SCUBE2: variants seen among roughly 807,000 people sequenced by gnomAD.
The protein encoded by SCUBE2 is signal peptide, CUB domain and EGF like domain containing 2.
SCUBE2 carries 114 observed loss-of-function variants against 125.9 expected under a neutral mutation model. The ratio of observed to expected loss-of-function variants is 0.91; its 90% CI spans 0.78 to 1.06. The LOEUF is 1.06. SCUBE2 is among the 50% of genes least tolerant of loss of function. The probability of loss-of-function intolerance (pLI) is 0.00; values close to 1 mark genes in which losing one functional copy is unlikely to be tolerated. For missense variants in SCUBE2, 1,255 were observed against 1,301.8 expected (o/e 0.96, Z 0.55); for synonymous variants, 459 against 492.9 (o/e 0.93, Z 0.91).
chr11:9,050,554 G>A, intron 14 of SCUBE2, 52 bp downstream of exon 14: 1 of 1,423,316 alleles, frequency 7.0e-7, no homozygotes, highest in East Asian at 2.3e-5. Context: ...CTGGCTGCAG[G>A]CCCCTTCCCA....
chr11:9,053,071 C>G, intron 12 of SCUBE2, 28 bp downstream of exon 12: 1 of 1,591,936 alleles, frequency 6.3e-7, no homozygotes, highest in Non-Finnish European at 8.6e-7. Flanking sequence ...AGTGTGAGGA[C>G]CTGCCCCGGG....
Position 9,025,692 on chromosome 11 carries a change from C to T in SCUBE2, c.2854+10G>A. 1.2e-6 allele frequency: 2 copies of T among 1,613,810 alleles called. No individual in the cohort carries two copies. Among genetic ancestry groups the T allele is most frequent in the Non-Finnish European group, 1.7e-6 (2 of 1,179,846 alleles). ...AGACGCTCTTTCCATGTGCTGCAGGCTGTGCTTACCATCATATGTCACGTA... is the reference window on the plus strand; with the variant it reads ...AGACGCTCTTTCCATGTGCTGCAGGTTGTGCTTACCATCATATGTCACGTA... On this transcript the variant is annotated intron_variant, in intron 21 of 22. Coordinates refer to ENST00000649792, the MANE Select transcript of SCUBE2 (RefSeq NM_001367977.2).
In SCUBE2 at chr11:9,056,822, G is replaced by A. The variant is rs200941108; in HGVS notation, c.1091-913C>T. ...ACCAGGACCAGTGCCGCACTCAGTC[G>A]AAGCCAACTAGACCACTGCTAGACC... is the stretch of plus-strand genomic sequence containing the variant. On this transcript the variant is annotated intron_variant, in intron 9 of 22. Transcript: ENST00000649792. Among the ~76,000 whole-genome samples the A allele has an allele frequency of 1.2e-4, 19 of 152,280 alleles. No individual in the cohort carries two copies. The East Asian group carries it at 3.3e-3, about 26-fold the overall frequency.
chr11:9,039,739 C>A (rs1250711443), intron 16 of SCUBE2, among the ~76,000 whole-genome samples: 1 of 152,132 alleles, frequency 6.6e-6, no homozygotes, highest in African/African-American at 2.4e-5. Flanking sequence ...CTGTGAGGCA[C>A]AAGACACATG....
At chr11:9,080,963 G>T (rs1441546717) in intron 2 of SCUBE2, among the ~76,000 whole-genome samples, 2 of 152,100 alleles carry the variant, frequency 1.3e-5, no homozygotes, top group Non-Finnish European at 2.9e-5. Flanking sequence ...ACAATGATAT[G>T]CAAATGACCA....
intron 2 of SCUBE2, among the ~76,000 whole-genome samples, chr11:9,080,926 C>T (rs561478318): frequency 2.0e-5 from 3 of 151,976 alleles, no homozygotes; most frequent in African/African-American, 4.8e-5. Flanking sequence ...TTAAAATGGG[C>T]GAAATATTCG....
At chr11:9,043,198 G>A (rs1218136508) in intron 16 of SCUBE2, among the ~76,000 whole-genome samples, 1 of 152,090 alleles carries the variant, frequency 6.6e-6, no homozygotes, top group Non-Finnish European at 1.5e-5. Flanking sequence ...TGTCTGGATT[G>A]TTTCTTCTAA....
intron 9 of SCUBE2, among the ~76,000 whole-genome samples, chr11:9,058,649 A>G (rs1318642389): frequency 7.1e-6 from 1 of 141,208 alleles, no homozygotes; most frequent in Non-Finnish European, 1.5e-5. Flanking sequence ...TTAGCTGAGC[A>G]TGGTGGCAGA....
chr11:9,050,824 A>G, intron 13 of SCUBE2, 114 bp from the exon 14 acceptor site: 1 of 799,172 alleles, frequency 1.3e-6, no homozygotes, highest in Non-Finnish European at 2.2e-6. Context: ...GCACACCCTG[A>G]GACCCTCTCC....
chr11:9,064,985 C>G (rs1219197216), intron 7 of SCUBE2: 3 of 152,022 alleles, frequency 2.0e-5, no homozygotes, highest in Admixed American at 6.6e-5. Flanking sequence ...AAGTGTTGCC[C>G]CTCTCCATTC....
At position 9,031,460 on chromosome 11, in the gene SCUBE2, T is replaced by G. The variant is rs551725659; in HGVS notation, c.2174-535A>C. Reference sequence around the variant, plus strand: ...CCAGCCTAGGCAACATGGCGAAATCTCTACAAAAAAATTTAAAAATTAGCC... The same window carrying G: ...CCAGCCTAGGCAACATGGCGAAATCGCTACAAAAAAATTTAAAAATTAGCC... On this transcript the variant is annotated intron_variant, in intron 17 of 22. Coordinates refer to ENST00000649792, the MANE Select transcript of SCUBE2 (RefSeq NM_001367977.2). Among the ~76,000 whole-genome samples, 2 of 151,948 alleles carry G rather than the reference T, an allele frequency of 1.3e-5. 1 individual carries two copies. Among genetic ancestry groups the G allele is most frequent in the South Asian group, 4.2e-4 (2 of 4,812 alleles).
intron 21 of SCUBE2, chr11:9,024,555 T>G (rs1487050569): frequency 2.1e-6 from 1 of 482,176 alleles, no homozygotes; most frequent in East Asian, 7.1e-5. Context: ...CTCCAGAGCT[T>G]GGCCCTGAAG....
chr11:9,076,239 T>C (rs959701727), intron 3 of SCUBE2, among the ~76,000 whole-genome samples: 2 of 151,668 alleles, frequency 1.3e-5, no homozygotes, highest in Admixed American at 6.6e-5. Context: ...GCAGAGGAGA[T>C]GGCAGGAGTC....
In SCUBE2 at chr11:9,083,949, G is replaced by A. The variant is rs568347212; in HGVS notation, c.257-4440C>T. 1.6e-3 allele frequency among the ~76,000 whole-genome samples: 243 copies of A among 152,320 alleles called. 1 individual carries two copies. The highest frequency in any genetic ancestry group is 2.6e-3 in the Non-Finnish European group (179 of 68,030). Reference sequence around the variant, plus strand: ...AAAAGGAATAAATATAGATACGTGTGCATGCGTGGATGAGTATGCGTACAT... The same window carrying A: ...AAAAGGAATAAATATAGATACGTGTACATGCGTGGATGAGTATGCGTACAT... On this transcript the variant is annotated intron_variant, in intron 2 of 22. Coordinates refer to ENST00000649792, the MANE Select transcript of SCUBE2 (RefSeq NM_001367977.2).
Position 9,079,480 on chromosome 11 carries a change from C to T in SCUBE2, c.286G>A (p.Gly96Arg), listed in dbSNP as rs756819058. Residue 96 changes from glycine to arginine, a missense_variant, in exon 3 of 23, where the codon GGA becomes AGA. Around this residue, in one of 3 missense-constraint regions of SCUBE2, gnomAD observed 362 missense variants for 323.0 expected, o/e 1.12. Coordinates refer to ENST00000649792, the MANE Select transcript of SCUBE2 (RefSeq NM_001367977.2). The stretch of plus-strand genomic sequence containing the variant: ...TTCAAACAGTCATGGACACAGCCTC[C>T]ATTGAGCTCATTTCCACATTCATCG... ...DIDECGNELNGGCVHDCLNIP... is the reference protein window; with the variant it reads ...DIDECGNELNRGCVHDCLNIP... 7.1e-5 allele frequency: 115 copies of T among 1,613,964 alleles called. No individual in the cohort carries two copies. The highest frequency in any genetic ancestry group is 9.7e-5 in the Non-Finnish European group (115 of 1,179,946).
At chr11:9,085,654 A>G (rs1247856986) in intron 2 of SCUBE2, among the ~76,000 whole-genome samples, 1 of 152,118 alleles carries the variant, frequency 6.6e-6, no homozygotes, top group Non-Finnish European at 1.5e-5. Flanking sequence ...TGAACCTGGG[A>G]GGCGGAGGTT....
chr11:9,045,387 A>G (rs1353325082), intron 16 of SCUBE2, among the ~76,000 whole-genome samples: 2 of 152,162 alleles, frequency 1.3e-5, no homozygotes, highest in Non-Finnish European at 2.9e-5. Context: ...AATATTTAAA[A>G]AGATAAACAT....
intron 2 of SCUBE2, among the ~76,000 whole-genome samples, chr11:9,083,390 T>C (rs1030487244): frequency 4.6e-5 from 7 of 152,200 alleles, no homozygotes; most frequent in African/African-American, 1.4e-4. Context: ...TATTGTACTT[T>C]AGTTAGTAAA....
At chr11:9,047,078 C>A (rs1007651487) in intron 16 of SCUBE2, among the ~76,000 whole-genome samples, 6 of 107,216 alleles carry the variant, frequency 5.6e-5, no homozygotes, top group South Asian at 2.8e-4. Flanking sequence ...TTTCCTGTTC[C>A]TCAAGTCAAC....
Sources: allele counts gnomAD v4.1 joint callset (sites outside exome capture counted in the v4.1 genomes callset), GRCh38; gene constraint gnomAD v4.1.1; regional missense constraint gnomAD v4.1.1; transcripts MANE v1.5; gene names NCBI Gene and HGNC (gene_info 2026-07-23, HGNC 2026-07-21).